DCTN1: variants seen among roughly 807,000 people sequenced by gnomAD.
The protein encoded by DCTN1 is dynactin subunit 1.
DCTN1 carries 61 observed loss-of-function variants against 161.2 expected under a neutral mutation model. The observed-to-expected ratio is 0.38, with a 90% CI of 0.31 to 0.47. The LOEUF is 0.47. Ranked by LOEUF, DCTN1 falls within the 20% of genes least tolerant of loss-of-function variation. The pLI, the probability that DCTN1 is intolerant of heterozygous loss-of-function variation, is 0.99. For missense variants in DCTN1, 1,404 were observed against 1,623.7 expected (o/e 0.86, Z 2.33); for synonymous variants, 653 against 632.4 (o/e 1.03, Z -0.49).
chr2:74,365,132 C>T lies in DCTN1; in HGVS notation c.3139G>A (p.Gly1047Arg), dbSNP rs540125422. 24 of 1,614,146 alleles carry T rather than the reference C, an allele frequency of 1.5e-5. No homozygotes were observed. In the South Asian group the frequency reaches 2.5e-4, roughly 17 times the overall value. Reference sequence around the variant, plus strand: ...CCTGAAGGAGGAGGGCCCCGGAGTCCCTCAATCGTGCGTTTGGACTGGCTG... The same window carrying T: ...CCTGAAGGAGGAGGGCCCCGGAGTCTCTCAATCGTGCGTTTGGACTGGCTG... ...LNSQSKRTIE[G>R]LRGPPPSGIA... Residue 1047 changes from glycine to arginine, a missense_variant, in exon 26 of 32, where the codon GGA (glycine) becomes AGA (arginine). Gly to Arg is a moderately radical substitution (Grantham distance 125). Transcript: ENST00000628224.
At chr2:74,377,321 G>A in intron 4 of DCTN1, 111 bp downstream of exon 4, 1 of 937,082 alleles carries the variant, frequency 1.1e-6, no homozygotes, top group African/African-American at 1.6e-5. Context: ...GGAGAGACTA[G>A]AAGGCAAATC....
At position 74,366,516 on chromosome 2, in the gene DCTN1, C is replaced by T; in HGVS notation, c.2571G>A (p.Glu857=). ...AAAQLIAPLA[E]NEGLLVAALE... is the part of the protein sequence containing the mutation. ...GAGCAGCCACAAGTAGCCCCTCATTCTCTGCCAGTGGGGCAATGAGCTGGG... is the reference window on the plus strand; with the variant it reads ...GAGCAGCCACAAGTAGCCCCTCATTTTCTGCCAGTGGGGCAATGAGCTGGG... The change falls in exon 22 of 32, where the codon GAG becomes GAA. Residue 857 remains glutamate (E), a synonymous_variant. Coordinates refer to ENST00000628224, the MANE Select transcript of DCTN1 (RefSeq NM_004082.5). 2 of 1,614,216 alleles carry T rather than the reference C, an allele frequency of 1.2e-6. No individual in the cohort carries two copies. The highest frequency in any genetic ancestry group is 1.7e-6 in the Non-Finnish European group (2 of 1,180,020).
intron 26 of DCTN1, 160 bp from the exon 27 acceptor site, chr2:74,363,788 T>C (rs1212657340): frequency 2.1e-6 from 2 of 951,848 alleles, no homozygotes; most frequent in Non-Finnish European, 3.3e-6. Context: ...CTGCCACCTA[T>C]CTTTGGGGAC....
At chr2:74,383,089 A>T (rs1227752656), upstream of DCTN1, among the ~76,000 whole-genome samples, 117 of 150,584 alleles carry the variant, frequency 7.8e-4, 1 homozygote, top group African/African-American at 2.7e-3. Context: ...CTCAAAAAAA[A>T]AAAAATAAAT....
intron 30 of DCTN1, among the ~76,000 whole-genome samples, 186 bp from the exon 31 acceptor site, chr2:74,362,327 T>A (rs1674068588): frequency 6.6e-6 from 1 of 152,158 alleles, no homozygotes; most frequent in Non-Finnish European, 1.5e-5. Context: ...TTGCAAGTCC[T>A]CATCCTGTAA....
intron 26 of DCTN1, chr2:74,363,837 G>T: frequency 1.5e-6 from 1 of 670,830 alleles, no homozygotes. Flanking sequence ...AAACAGGAGT[G>T]AGGCCACAAG....
Position 74,380,071 on chromosome 2 carries a change from T to A in DCTN1, c.-34A>T. On this transcript the variant is annotated 5_prime_UTR_variant, in exon 1 of 32. Transcript: ENST00000628224. ...CCCGGCCTCTACCCCCTCCCCCAGC[T>A]GGCCAAAGACAGAGAGAAAAGGTAG... 1 of 1,613,400 alleles carries A rather than the reference T, an allele frequency of 6.2e-7. No individual in the cohort carries two copies. Among genetic ancestry groups the A allele is most frequent in the South Asian group, 1.1e-5 (1 of 91,068 alleles).
intron 30 of DCTN1, 102 bp from the exon 31 acceptor site, chr2:74,362,243 G>A (rs1674060831): frequency 3.0e-6 from 3 of 998,710 alleles, no homozygotes; most frequent in African/African-American, 3.2e-5. Flanking sequence ...GGGGGGCAGG[G>A]ACTTAGTCCT....
chr2:74,367,685 T>C lies in DCTN1; in HGVS notation c.2184+11A>G, dbSNP rs986949019. Reference sequence around the variant, plus strand: ...TGCCTCCTGCCCCAAGCCCAAATTCTTGCCCCACACCTGATAGTACTTGAT... The same window carrying C: ...TGCCTCCTGCCCCAAGCCCAAATTCCTGCCCCACACCTGATAGTACTTGAT... On this transcript the variant is annotated intron_variant, in intron 18 of 31. Coordinates refer to ENST00000628224, the MANE Select transcript of DCTN1 (RefSeq NM_004082.5). 1.2e-6 allele frequency: 2 copies of C among 1,614,048 alleles called. No homozygotes were observed. Among genetic ancestry groups the C allele is most frequent in the Non-Finnish European group, 1.7e-6 (2 of 1,180,044 alleles).
upstream of DCTN1, chr2:74,380,602 A>C (rs1675472505): frequency 1.1e-5 from 5 of 471,098 alleles, no homozygotes; most frequent in South Asian, 7.7e-5. Flanking sequence ...ACACAGCCAA[A>C]ATAAGGGTCT....
At chr2:74,384,024 T>A (rs1228913774), upstream of DCTN1, among the ~76,000 whole-genome samples, 1 of 151,984 alleles carries the variant, frequency 6.6e-6, no homozygotes, top group East Asian at 1.9e-4. Flanking sequence ...AATAAGTAAA[T>A]GAATAAATAC....
At chr2:74,374,224 TAG>T (rs749292063) in intron 6 of DCTN1, 97 bp downstream of exon 6, 2 of 1,325,506 alleles carry the variant, frequency 1.5e-6, no homozygotes, top group Admixed American at 1.9e-5. Flanking sequence ...CCCGACCAGG[TAG>T]ACAGATGAAG....
intron 8 of DCTN1, 32 bp from the exon 9 acceptor site, chr2:74,371,208 A>G (rs1476666606): frequency 1.2e-6 from 2 of 1,611,102 alleles, no homozygotes; most frequent in Non-Finnish European, 1.7e-6. Context: ...GTCTGTGCAC[A>G]GCCCACTCCT....
chr2:74,366,057 GAGAGA>G lies in DCTN1; in HGVS notation c.2761-44_2761-40del, dbSNP rs1036199881. ...GGTAGGGGGTGAGAAAGTGAGGGTG[GAGAGA>G]AGAGATCATCACTGTGCTCCTTACA... On this transcript the variant is annotated intron_variant, in intron 23 of 31. Transcript: ENST00000628224. 3.7e-6 allele frequency: 6 copies of G among 1,613,886 alleles called. No homozygotes were observed. The African/African-American group carries it at 8.0e-5, about 22-fold the overall frequency.
chr2:74,388,678 A>G (rs1028859726), intron 1 of DCTN1, among the ~76,000 whole-genome samples: 5 of 152,186 alleles, frequency 3.3e-5, no homozygotes, highest in Admixed American at 1.3e-4. Flanking sequence ...TTAAAATATC[A>G]TCTCTTACTC....
intron 7 of DCTN1, 97 bp from the exon 8 acceptor site, chr2:74,371,825 G>T: frequency 1.0e-6 from 1 of 997,568 alleles, no homozygotes; most frequent in Non-Finnish European, 1.5e-6. Flanking sequence ...AAGGGAAGGA[G>T]ACAGAAAAGG....
Position 74,370,204 on chromosome 2 carries a change from A to G in DCTN1, c.1269T>C (p.Ile423=). The part of the protein sequence containing the change: ...QEELSQAEST[I]DELKEQVDAA... Reference sequence around the variant, plus strand: ...CCCAGACCTGCTCCTTGAGCTCATCAATGGTGCTCTCTGCCTGGCTTAGCT... The same window carrying G: ...CCCAGACCTGCTCCTTGAGCTCATCGATGGTGCTCTCTGCCTGGCTTAGCT... The change falls in exon 12 of 32, where the codon ATT becomes ATC. Residue 423 remains isoleucine, a synonymous_variant. Coordinates refer to ENST00000628224, the MANE Select transcript of DCTN1 (RefSeq NM_004082.5). This position sits in a 1 kb window ranked among gnomAD's most constrained non-coding sequence, Gnocchi z 4.4. 1 of 1,613,874 alleles carries G rather than the reference A, an allele frequency of 6.2e-7. No homozygotes were observed.
intron 16 of DCTN1, chr2:74,368,471 TCAGA>T (rs1039192481): frequency 1.6e-6 from 1 of 634,462 alleles, no homozygotes; most frequent in Non-Finnish European, 2.7e-6. Flanking sequence ...CTCCTGGCCC[TCAGA>T]CAATGTTATT....
chr2:74,365,373 G>A, intron 25 of DCTN1, 132 bp from the exon 26 acceptor site: 1 of 1,547,120 alleles, frequency 6.5e-7, no homozygotes, highest in East Asian at 2.3e-5. Flanking sequence ...TTAGGCTGGG[G>A]TGATGCAATG....
Sources: gnomAD v4.1 joint callset for allele counts (sites outside exome capture counted in the v4.1 genomes callset) on GRCh38, gnomAD v4.1.1 for gene constraint, Gnocchi (gnomAD v3.1) non-coding constraint, MANE v1.5 for transcripts, NCBI Gene and HGNC (gene_info 2026-07-23, HGNC 2026-07-21) for gene names.